The following NBAS variants were observed in gnomAD, a reference collection of about 807,000 sequenced individuals.
NBAS encodes the protein NBAS subunit of NRZ tethering complex.
In NBAS, 219 loss-of-function variants were observed where a neutral mutation model predicts 302.5. That is an observed-to-expected ratio of 0.72 (90% CI 0.65 to 0.81). NBAS has a LOEUF of 0.81. Among genes scored for constraint, NBAS ranks in the 30% least tolerant of loss-of-function variants. The pLI is 0.00. For synonymous variants in NBAS, 1,118 were observed against 1,021.6 expected, an observed-to-expected ratio of 1.09 and a Z score of -1.80; for missense variants, 2,932 against 2,841.6, an observed-to-expected ratio of 1.03 and a Z score of -0.72.
At chr2:15,507,181 C>G (rs1558398052) in intron 10 of NBAS, among the ~76,000 whole-genome samples, 1 of 152,192 alleles carries the variant, frequency 6.6e-6, no homozygotes, top group Non-Finnish European at 1.5e-5. Flanking sequence ...AGTGGGAGAT[C>G]TAGTGGACAA....
At chr2:14,992,813 C>G in the NBAS span, among the ~76,000 whole-genome samples, 1 of 152,106 alleles carries the variant, frequency 6.6e-6, no homozygotes, top group African/African-American at 2.4e-5. Context: ...CTACAACCAC[C>G]ATCGATTCTA....
chr2:14,881,235 T>C, the NBAS span, among the ~76,000 whole-genome samples: 5 of 152,346 alleles, frequency 3.3e-5, no homozygotes, highest in Admixed American at 2.0e-4. Context: ...GCGGCCATTA[T>C]CCTAAGTGAA....
chr2:15,071,026 G>A, the NBAS span, among the ~76,000 whole-genome samples: 1 of 152,124 alleles, frequency 6.6e-6, no homozygotes, highest in Admixed American at 6.5e-5. Flanking sequence ...GACAAAGCTG[G>A]TGTGGCAGAT....
At chr2:15,252,183 A>G (rs983688616) in intron 44 of NBAS, among the ~76,000 whole-genome samples, 3 of 152,192 alleles carry the variant, frequency 2.0e-5, no homozygotes, top group Non-Finnish European at 4.4e-5. Context: ...AAATCTTGCT[A>G]AGCAGACTTT....
chr2:15,246,545 G>A (rs564906840), intron 44 of NBAS, among the ~76,000 whole-genome samples: 1 of 152,296 alleles, frequency 6.6e-6, no homozygotes, highest in East Asian at 1.9e-4. Context: ...GAAAGTTGTG[G>A]TTCAGAATGC....
intron 47 of NBAS, among the ~76,000 whole-genome samples, chr2:15,224,962 CT>C (rs1558453002): frequency 6.6e-6 from 1 of 152,086 alleles, no homozygotes; most frequent in African/African-American, 2.4e-5. Flanking sequence ...GGAATAAGAA[CT>C]GCAAATAAAC....
chr2:15,276,986 C>G lies in NBAS; in HGVS notation c.5254G>C (p.Gly1752Arg), dbSNP rs1208175937. 1 of 1,613,896 alleles carries G rather than the reference C, an allele frequency of 6.2e-7. No homozygotes were observed. The highest frequency in any genetic ancestry group is 2.2e-5 in the East Asian group (1 of 44,864). Residue 1752 changes from glycine (G) to arginine (R), a missense_variant, in exon 43 of 52, where the codon GGT becomes CGT. Gly to Arg is a moderately radical substitution (Grantham distance 125). Transcript: ENST00000281513. ...HMVKYIYPTIGGFDHERLQYY... is the reference protein window; with the variant it reads ...HMVKYIYPTIRGFDHERLQYY... ...TGCAGCCTTTCGTGATCAAAGCCAC[C>G]AATAGTAGGGTAAATATACTTGACC...
In NBAS at chr2:15,528,878, A is replaced by ATATAT. The variant is rs1553333170; in HGVS notation, c.746+5664_746+5665insATATA. ...TGAGACTCCATCTCAAAAAAAAAAAAATATATATATATATATATATGTGTG... is the reference window on the plus strand; with the variant it reads ...TGAGACTCCATCTCAAAAAAAAAAAATATATATATATATATATATATATATGTGTG... On this transcript the variant is annotated intron_variant, in intron 9 of 51. Transcript: ENST00000281513. Among the ~76,000 whole-genome samples, 6 of 121,546 alleles carry ATATAT rather than the reference A, an allele frequency of 4.9e-5. No homozygotes were observed. In the East Asian group the frequency reaches 6.7e-4, roughly 14 times the overall value. 79.7% of individuals were successfully genotyped at this position (121,546 alleles called of 152,430 possible). A position where few individuals can be genotyped will look rare whatever the true frequency, so the allele number is the denominator to read the frequency against.
chr2:15,272,366 G>A (rs1411440510), intron 44 of NBAS, among the ~76,000 whole-genome samples: 1 of 152,092 alleles, frequency 6.6e-6, no homozygotes, highest in Non-Finnish European at 1.5e-5. Context: ...TACAAGCTGT[G>A]GGAACATCTG....
chr2:15,149,005 A>T, the NBAS span, among the ~76,000 whole-genome samples: 9 of 152,208 alleles, frequency 5.9e-5, no homozygotes, highest in African/African-American at 2.2e-4. Context: ...TTGCCTTCGA[A>T]GCCATTTAAT....
chr2:15,369,532 T>C (rs764366480), intron 31 of NBAS, among the ~76,000 whole-genome samples: 2 of 152,238 alleles, frequency 1.3e-5, no homozygotes, highest in Non-Finnish European at 2.9e-5. Context: ...ACGTATTTTC[T>C]GATCCTCTGG....
chr2:15,098,232 T>TTATA, the NBAS span, among the ~76,000 whole-genome samples: 2 of 27,698 alleles, frequency 7.2e-5, no homozygotes, highest in Non-Finnish European at 5.7e-5. Context: ...ATATATTATA[T>TTATA]TGTATATAAT....
chr2:14,906,876 A>G, the NBAS span, among the ~76,000 whole-genome samples: 1 of 152,164 alleles, frequency 6.6e-6, no homozygotes, highest in Non-Finnish European at 1.5e-5. Context: ...TGACGACAAG[A>G]GACACAGCCT....
At chr2:15,256,485 A>G (rs1002204688) in intron 44 of NBAS, among the ~76,000 whole-genome samples, 1 of 152,154 alleles carries the variant, frequency 6.6e-6, no homozygotes, top group Non-Finnish European at 1.5e-5. Context: ...AATCATATCA[A>G]TTGGCAAATA....
In NBAS at chr2:15,379,652, C is replaced by G; in HGVS notation, c.3540G>C (p.Glu1180Asp). The change falls in exon 30 of 52, where the codon GAG becomes GAC. Residue 1180 changes from glutamate to aspartate, a missense_variant. Transcript: ENST00000281513. ...TGAGGTTGGTAGAAGAATTGAAGTA[C>G]TCTCTGCTGGCAGCCAAAACCAAGT... is the stretch of plus-strand genomic sequence containing the variant. Reference protein sequence around the residue: ...SIDLVLAASREYFNSSTNLTD... With the variant: ...SIDLVLAASRDYFNSSTNLTD... 1 of 1,613,934 alleles carries G rather than the reference C, an allele frequency of 6.2e-7. No homozygotes were observed. Among genetic ancestry groups the G allele is most frequent in the African/African-American group, 1.3e-5 (1 of 74,980 alleles).
In NBAS at chr2:15,466,936, C is replaced by CA. The variant is rs35850907; in HGVS notation, c.2097+392dup. 6.8e-3 allele frequency among the ~76,000 whole-genome samples: 909 copies of CA among 133,118 alleles called. 14 individuals are homozygous for CA. Among genetic ancestry groups the CA allele is most frequent in the African/African-American group, 0.017 (594 of 35,690 alleles). The allele number at this position is 133,118 out of a possible 152,430, so 87.3% of individuals were successfully genotyped here. On this transcript the variant is annotated intron_variant, in intron 19 of 51. Coordinates refer to ENST00000281513, the MANE Select transcript of NBAS (RefSeq NM_015909.4). ...TGGAGAACAGAGTGAGATCCTATCT[C>CA]AAAAAAAAAAAAAAATCACTAAAAT... is the stretch of plus-strand genomic sequence containing the variant.
At chr2:15,120,391 C>T in the NBAS span, among the ~76,000 whole-genome samples, 3 of 152,156 alleles carry the variant, frequency 2.0e-5, no homozygotes, top group Non-Finnish European at 4.4e-5. Context: ...GACAAGCCCA[C>T]ACCTGCCACA....
intron 44 of NBAS, among the ~76,000 whole-genome samples, chr2:15,256,665 C>T (rs1235056916): frequency 6.6e-6 from 1 of 152,162 alleles, no homozygotes; most frequent in Non-Finnish European, 1.5e-5. Flanking sequence ...CAACTTTTCC[C>T]TGTTCAGTAT....
chr2:15,405,692 G>A (rs1455553848), intron 25 of NBAS, among the ~76,000 whole-genome samples: 1 of 152,074 alleles, frequency 6.6e-6, no homozygotes, highest in African/African-American at 2.4e-5. Context: ...GATAAGATAG[G>A]ATACCTGGAA....
Sources: gnomAD v4.1 joint callset for allele counts (sites outside exome capture counted in the v4.1 genomes callset) on GRCh38, gnomAD v4.1.1 for gene constraint, MANE v1.5 for transcripts, NCBI Gene and HGNC (gene_info 2026-07-23, HGNC 2026-07-21) for gene names.